FGGY: variants seen among roughly 807,000 people sequenced by gnomAD.
FGGY encodes the protein FGGY carbohydrate kinase domain containing, also known as FGGY carbohydrate kinase domain-containing protein.
FGGY carries 72 observed loss-of-function variants against 71.3 expected under a neutral mutation model. That is an observed-to-expected ratio of 1.01 (90% CI 0.84 to 1.23). The LOEUF is 1.23. Among genes scored for constraint, FGGY ranks in the 50% most tolerant of loss-of-function variants. The probability of loss-of-function intolerance (pLI) is 0.00; values close to 1 mark genes in which losing one functional copy is unlikely to be tolerated. For synonymous variants in FGGY, 251 were observed against 250.3 expected, an observed-to-expected ratio of 1.00 and a Z score of -0.02; for missense variants, 668 against 682.3, an observed-to-expected ratio of 0.98 and a Z score of 0.23.
chr1:59,486,092 G>A (rs941956836), intron 6 of FGGY, among the ~76,000 whole-genome samples: 10 of 152,118 alleles, frequency 6.6e-5, no homozygotes, highest in Non-Finnish European at 1.5e-4. Context: ...ACTAATAAGA[G>A]GCATGGGACA....
At chr1:59,411,462 G>A (rs1325245462) in intron 5 of FGGY, among the ~76,000 whole-genome samples, 1 of 152,154 alleles carries the variant, frequency 6.6e-6, no homozygotes, top group African/African-American at 2.4e-5. Context: ...TGATTACCTT[G>A]TAGGGAGATA....
intron 14 of FGGY, chr1:59,733,183 T>G (rs980838960): frequency 6.5e-6 from 1 of 154,336 alleles, no homozygotes; most frequent in African/African-American, 2.4e-5. Flanking sequence ...AATAAAAGTT[T>G]CTGTGTTTCC....
chr1:59,332,075 A>G (rs2048595439), intron 2 of FGGY: 1 of 152,214 alleles, frequency 6.6e-6, no homozygotes, highest in South Asian at 2.1e-4. Context: ...AGGGTTTCTA[A>G]GAAACACCAT....
At chr1:59,651,838 T>C (rs910393674) in intron 11 of FGGY, among the ~76,000 whole-genome samples, 9 of 151,914 alleles carry the variant, frequency 5.9e-5, no homozygotes, top group African/African-American at 1.9e-4. Flanking sequence ...ATGCAGTTTC[T>C]TCCTAGTCTC....
intron 7 of FGGY, among the ~76,000 whole-genome samples, chr1:59,517,424 C>A (rs1181654070): frequency 6.6e-6 from 1 of 151,654 alleles, no homozygotes; most frequent in African/African-American, 2.4e-5. Flanking sequence ...CGCCACTATG[C>A]CCGGCTAATT....
chr1:59,503,721 G>A (rs1037076825), intron 6 of FGGY, among the ~76,000 whole-genome samples: 6 of 150,104 alleles, frequency 4.0e-5, no homozygotes, highest in Non-Finnish European at 8.9e-5. Flanking sequence ...TAAGGAACAT[G>A]AGAGTTAGCA....
At chr1:59,481,071 T>C (rs200333739) in intron 6 of FGGY, among the ~76,000 whole-genome samples, 1 of 151,602 alleles carries the variant, frequency 6.6e-6, no homozygotes, top group Non-Finnish European at 1.5e-5. Context: ...AATTTATAAG[T>C]AATAGCTATG....
At chr1:59,413,551 A>G (rs542981012) in intron 5 of FGGY, among the ~76,000 whole-genome samples, 1 of 152,326 alleles carries the variant, frequency 6.6e-6, no homozygotes, top group African/African-American at 2.4e-5. Context: ...TGCATGAATA[A>G]CAGTGGCAGT....
At chr1:59,507,365 A>G (rs1326099143) in intron 6 of FGGY, among the ~76,000 whole-genome samples, 1 of 152,264 alleles carries the variant, frequency 6.6e-6, no homozygotes, top group African/African-American at 2.4e-5. Flanking sequence ...GGCTGAAGTT[A>G]CAAACGGACA....
chr1:59,313,196 C>T (rs1022187689), intron 1 of FGGY, among the ~76,000 whole-genome samples: 6 of 152,114 alleles, frequency 3.9e-5, no homozygotes, highest in Non-Finnish European at 7.4e-5. Flanking sequence ...ATACTAATCC[C>T]GTTCATGAGG....
At position 59,461,702 on chromosome 1, in the gene FGGY, G is replaced by C. The variant is rs2092232770; in HGVS notation, c.670+4626G>C. On this transcript the variant is annotated intron_variant, in intron 6 of 15. Coordinates refer to ENST00000303721, the MANE Select transcript of FGGY (RefSeq NM_018291.5). ...ATTACCCACAAAGGAAAGCCCATCA[G>C]ACTCACCACGGATCTCTCAGCAGAA... 5.9e-5 allele frequency among the ~76,000 whole-genome samples: 9 copies of C among 152,274 alleles called. No homozygotes were observed. The South Asian group carries it at 1.9e-3, about 32-fold the overall frequency.
At chr1:59,695,939 G>A (rs1328109641) in intron 14 of FGGY, among the ~76,000 whole-genome samples, 1 of 151,888 alleles carries the variant, frequency 6.6e-6, no homozygotes, top group East Asian at 1.9e-4. Flanking sequence ...AAAACTTTGA[G>A]CTTCTTCTTA....
intron 14 of FGGY, among the ~76,000 whole-genome samples, chr1:59,689,876 T>G (rs976607289): frequency 5.9e-5 from 9 of 152,096 alleles, no homozygotes; most frequent in African/African-American, 2.2e-4. Flanking sequence ...ATCTACTCCC[T>G]CCTCCCTCCC....
chr1:59,578,991 G>A (rs899636568), intron 8 of FGGY, among the ~76,000 whole-genome samples: 1 of 152,102 alleles, frequency 6.6e-6, no homozygotes, highest in African/African-American at 2.4e-5. Context: ...CTCAAGTGCT[G>A]TATAATCCCA....
At chr1:59,683,039 C>A (rs1287079730) in intron 14 of FGGY, among the ~76,000 whole-genome samples, 6 of 152,156 alleles carry the variant, frequency 3.9e-5, no homozygotes, top group Admixed American at 6.5e-5. Context: ...AGATTCCTTG[C>A]TCTGTAGGTA....
intron 14 of FGGY, among the ~76,000 whole-genome samples, chr1:59,716,315 A>G (rs2097845734): frequency 6.6e-6 from 1 of 152,178 alleles, no homozygotes; most frequent in African/African-American, 2.4e-5. Flanking sequence ...TTTCCTATCA[A>G]TTCCAGTTAC....
chr1:59,603,455 C>T (rs925577330), intron 8 of FGGY, among the ~76,000 whole-genome samples: 1 of 152,194 alleles, frequency 6.6e-6, no homozygotes, highest in African/African-American at 2.4e-5. Context: ...TTCCATCATA[C>T]AAGCCTCATT....
At chr1:59,440,182 T>C (rs981820249) in intron 5 of FGGY, among the ~76,000 whole-genome samples, 3 of 150,430 alleles carry the variant, frequency 2.0e-5, no homozygotes, top group Non-Finnish European at 4.4e-5. Flanking sequence ...GGTTTTTAAA[T>C]AAGCCCTAAG....
At chr1:59,730,393 G>A (rs1335509099) in intron 14 of FGGY, among the ~76,000 whole-genome samples, 1 of 150,392 alleles carries the variant, frequency 6.6e-6, no homozygotes, top group Non-Finnish European at 1.5e-5. Context: ...GTCTCTACAT[G>A]TCTTTAATGT....
Sources: allele counts gnomAD v4.1 joint callset (sites outside exome capture counted in the v4.1 genomes callset), GRCh38; gene constraint gnomAD v4.1.1; transcripts MANE v1.5; gene names NCBI Gene and HGNC (gene_info 2026-07-23, HGNC 2026-07-21).